Variants in CNTRL observed in about 807,000 individuals in gnomAD.
CNTRL encodes the protein 110 kDa centrosomal protein.
Under a neutral mutation model 303.7 loss-of-function variants are expected in CNTRL, and 233 were observed. The observed-to-expected ratio is 0.77, with a 90% CI of 0.69 to 0.86. The LOEUF (loss-of-function observed/expected upper bound fraction) is 0.86, where lower values mean the gene tolerates loss of function less well. Among genes scored for constraint, CNTRL ranks in the 40% least tolerant of loss-of-function variants. The probability of loss-of-function intolerance (pLI) is 0.00; values close to 1 mark genes in which losing one functional copy is unlikely to be tolerated. For synonymous variants in CNTRL, 900 were observed against 922.2 expected (o/e 0.98, Z 0.44); for missense variants, 2,524 against 2,650.6 (o/e 0.95, Z 1.05).
intron 18 of CNTRL, among the ~76,000 whole-genome samples, 158 bp from the exon 19 acceptor site, chr9:121,141,933 C>T (rs2051538642): frequency 6.6e-6 from 1 of 152,100 alleles, no homozygotes; most frequent in African/African-American, 2.4e-5. Context: ...CCAATGACTC[C>T]TAGAGATCGT....
Position 121,150,503 on chromosome 9 carries a change from ACT to A in CNTRL, c.3963+25_3963+26del. The A allele has an allele frequency of 1.2e-6, 2 of 1,604,266 alleles. No individual in the cohort carries two copies. Among genetic ancestry groups the A allele is most frequent in the Non-Finnish European group, 8.5e-7 (1 of 1,171,618 alleles). Reference sequence around the variant, plus strand: ...AACTTAGTAAGTGGAAAGACATACAACTCTCTTTCCACACTGCTTCCATGGGT... The same window carrying A: ...AACTTAGTAAGTGGAAAGACATACAACTCTTTCCACACTGCTTCCATGGGT... On this transcript the variant is annotated intron_variant, in intron 25 of 43. Transcript: ENST00000373855.
At chr9:121,091,884 C>CTTTT (rs148922615) in intron 4 of CNTRL, among the ~76,000 whole-genome samples, 6 of 74,964 alleles carry the variant, frequency 8.0e-5, no homozygotes, top group South Asian at 4.8e-4. Flanking sequence ...GAGGTCTTCT[C>CTTTT]TTTTTTTTTT....
Position 121,096,567 on chromosome 9 carries a change from A to T in CNTRL, c.621+4A>T. On this transcript the variant is annotated splice_donor_region_variant and intron_variant, in intron 6 of 43. Coordinates refer to ENST00000373855, the MANE Select transcript of CNTRL (RefSeq NM_007018.6). ...GAAAGGCAACAAGATATCATCGGTA[A>T]GTTATTCAAAATAGCAGGAATTTTT... 2 of 1,431,264 alleles carry T rather than the reference A, an allele frequency of 1.4e-6. No individual in the cohort carries two copies. Among genetic ancestry groups the T allele is most frequent in the Admixed American group, 4.7e-5 (2 of 42,542 alleles). 88.7% of individuals were successfully genotyped at this position (1,431,264 alleles called of 1,614,324 possible).
At chr9:121,134,290 A>ATTTTT (rs1357821014) in intron 14 of CNTRL, among the ~76,000 whole-genome samples, 1 of 97,886 alleles carries the variant, frequency 1.0e-5, no homozygotes. Flanking sequence ...TAATATCATT[A>ATTTTT]TTATTTTTTT....
In CNTRL at chr9:121,104,349, G is replaced by A. The variant is rs148231800; in HGVS notation, c.809-3453G>A. ...ATGAGAACACTTGGACACAGGGTGG[G>A]TAACACCACACACTGGGGCCTGTCA... On this transcript the variant is annotated intron_variant, in intron 7 of 43. Coordinates refer to ENST00000373855, the MANE Select transcript of CNTRL (RefSeq NM_007018.6). Among the ~76,000 whole-genome samples, 329 of 152,202 alleles carry A rather than the reference G, an allele frequency of 2.2e-3. 2 individuals are homozygous for A. The highest frequency in any genetic ancestry group is 6.3e-3 in the African/African-American group (261 of 41,514).
chr9:121,119,080 ATGTGTGTGTGTG>A (rs3047904), intron 12 of CNTRL, among the ~76,000 whole-genome samples: 1 of 148,460 alleles, frequency 6.7e-6, no homozygotes, highest in Admixed American at 6.7e-5. Flanking sequence ...ACATAAATAT[ATGTGTGTGTGTG>A]TGTGTGTGTG....
intron 35 of CNTRL, 122 bp downstream of exon 35, chr9:121,165,222 T>TGGTA: frequency 1.0e-6 from 1 of 959,888 alleles, no homozygotes; most frequent in Admixed American, 3.2e-5. Context: ...AATTAGATTG[T>TGGTA]GGTAATGTTT....
chr9:121,119,232 G>A (rs1402319104), intron 12 of CNTRL, among the ~76,000 whole-genome samples: 1 of 150,786 alleles, frequency 6.6e-6, no homozygotes, highest in African/African-American at 2.4e-5. Flanking sequence ...GAATTTCATT[G>A]TATTGCAGAG....
intron 15 of CNTRL, 21 bp from the exon 16 acceptor site, chr9:121,138,524 C>A: frequency 6.2e-7 from 1 of 1,606,580 alleles, no homozygotes; most frequent in Non-Finnish European, 8.5e-7. Flanking sequence ...ACTTTCATGT[C>A]ATTGCTTCCT....
intron 36 of CNTRL, among the ~76,000 whole-genome samples, chr9:121,167,147 G>A (rs2053127776): frequency 1.3e-5 from 2 of 151,564 alleles, no homozygotes; most frequent in Non-Finnish European, 1.5e-5. Context: ...CCGTCTCTAC[G>A]AAAAAGACAA....
In CNTRL at chr9:121,167,654, C is replaced by T. The variant is rs767910727; in HGVS notation, c.5821C>T (p.Leu1941Phe). The stretch of plus-strand genomic sequence containing the variant: ...TCAGAATGAGATTGAAGAAAACAAG[C>T]TCAAACTAGTCCAACAAGAAATGGT... ...VLQNEIEENK[L>F]KLVQQEMMFQ... The change falls in exon 37 of 44, where the codon CTC (leucine) becomes TTC (phenylalanine). Residue 1941 changes from leucine to phenylalanine, a missense_variant. By Grantham distance (22) the Leu-to-Phe change is conservative. Coordinates refer to ENST00000373855, the MANE Select transcript of CNTRL (RefSeq NM_007018.6). 1.9e-6 allele frequency: 3 copies of T among 1,613,970 alleles called. No individual in the cohort carries two copies.
At chr9:121,133,297 G>A (rs543804105) in intron 14 of CNTRL, among the ~76,000 whole-genome samples, 11 of 152,318 alleles carry the variant, frequency 7.2e-5, no homozygotes, top group Non-Finnish European at 1.3e-4. Flanking sequence ...GGTGGGCTCC[G>A]CCCAGTTCGA....
chr9:121,172,116 A>G (rs898378213), intron 40 of CNTRL, among the ~76,000 whole-genome samples: 2 of 152,188 alleles, frequency 1.3e-5, no homozygotes, highest in Non-Finnish European at 2.9e-5. Flanking sequence ...TGGCCATTCT[A>G]GTTTCATCTG....
chr9:121,146,172 T>C lies in CNTRL; in HGVS notation c.3375T>C (p.Tyr1125=), dbSNP rs146851347. The stretch of plus-strand genomic sequence containing the variant: ...CTGAACTTCGACGTGAAGTTTCTTA[T>C]CAGAATGATTACATAAGCAGCATGG... ...EIAELRREVS[Y]QNDYISSMAD... is the part of the protein sequence containing the mutation. The change falls in exon 23 of 44, where the codon TAT becomes TAC. Residue 1125 remains tyrosine (Y), a synonymous_variant. Transcript: ENST00000373855. The C allele has an allele frequency of 2.7e-5, 43 of 1,613,792 alleles. No individual in the cohort carries two copies. The highest frequency in any genetic ancestry group is 3.6e-5 in the Non-Finnish European group (42 of 1,179,912).
At chr9:121,145,919 G>A (rs1268844030) in intron 22 of CNTRL, among the ~76,000 whole-genome samples, 189 bp from the exon 23 acceptor site, 1 of 152,064 alleles carries the variant, frequency 6.6e-6, no homozygotes, top group Non-Finnish European at 1.5e-5. Flanking sequence ...AAAGAGTTTT[G>A]TATTTGTAAT....
chr9:121,173,691 G>C lies in CNTRL; in HGVS notation c.6701G>C (p.Gly2234Ala), dbSNP rs771784092. The change falls in exon 42 of 44, where the codon GGA (glycine) becomes GCA (alanine). Residue 2234 changes from glycine to alanine, a missense_variant. Gly to Ala is a moderately conservative substitution (Grantham distance 60). Coordinates refer to ENST00000373855, the MANE Select transcript of CNTRL (RefSeq NM_007018.6). ...CTGAGAAAGGATGAACACTGGCGTG[G>C]AGAAGCACTCCGGGAGAAACTGCGT... ...QVHIMDEHWRGEALREKLRHR... is the reference protein window; with the variant it reads ...QVHIMDEHWRAEALREKLRHR... 8.5e-5 allele frequency: 137 copies of C among 1,614,024 alleles called. 1 individual carries two copies. In the East Asian group the frequency reaches 3.0e-3, roughly 36 times the overall value.
chr9:121,123,753 A>C (rs936547741), intron 12 of CNTRL, among the ~76,000 whole-genome samples, 178 bp from the exon 13 acceptor site: 20 of 152,228 alleles, frequency 1.3e-4, no homozygotes, highest in African/African-American at 4.3e-4. Flanking sequence ...TTCCGTATCA[A>C]GTTATCCTGA....
chr9:121,109,426 C>T (rs917863027), intron 8 of CNTRL, among the ~76,000 whole-genome samples: 1 of 152,104 alleles, frequency 6.6e-6, no homozygotes, highest in African/African-American at 2.4e-5. Flanking sequence ...AATATGTGTA[C>T]ATGCATGTAT....
At chr9:121,168,707 GAA>G (rs2053188994) in intron 38 of CNTRL, among the ~76,000 whole-genome samples, 1 of 152,218 alleles carries the variant, frequency 6.6e-6, no homozygotes, top group Non-Finnish European at 1.5e-5. Flanking sequence ...TTGGCATAGT[GAA>G]TGGTACCAGA....
Sources: gnomAD v4.1 joint callset for allele counts (sites outside exome capture counted in the v4.1 genomes callset) on GRCh38, gnomAD v4.1.1 for gene constraint, MANE v1.5 for transcripts, NCBI Gene and HGNC (gene_info 2026-07-23, HGNC 2026-07-21) for gene names.